Variants in TUSC3 observed in about 807,000 individuals in gnomAD.
The protein encoded by TUSC3 is dolichyl-diphosphooligosaccharide--protein glycosyltransferase subunit TUSC3.
Under a neutral mutation model 44.8 loss-of-function variants are expected in TUSC3, and 45 were observed. The ratio of observed to expected loss-of-function variants is 1.00; its 90% confidence interval spans 0.79 to 1.29. The LOEUF (loss-of-function observed/expected upper bound fraction) is 1.29, where lower values mean the gene tolerates loss of function less well. Among genes scored for constraint, TUSC3 ranks in the 50% most tolerant of loss-of-function variants. The pLI is 0.00. For synonymous variants in TUSC3, 212 were observed against 152.9 expected, an observed-to-expected ratio of 1.39 and a Z score of -2.85; for missense variants, 519 against 437.9, an observed-to-expected ratio of 1.19 and a Z score of -1.65.
chr8:15,462,242 G>T (rs1763114161), intron 1 of TUSC3, among the ~76,000 whole-genome samples: 1 of 152,048 alleles, frequency 6.6e-6, no homozygotes. Context: ...ATTCTATGTG[G>T]CAGAGAATTT....
chr8:15,550,958 A>G (rs1056377573), intron 1 of TUSC3, among the ~76,000 whole-genome samples: 7 of 151,814 alleles, frequency 4.6e-5, no homozygotes, highest in African/African-American at 1.4e-4. Context: ...GGGGTGAAAT[A>G]AAATGGTAAC....
intron 9 of TUSC3, among the ~76,000 whole-genome samples, chr8:15,756,911 G>C (rs1469752645): frequency 6.6e-6 from 1 of 152,162 alleles, no homozygotes; most frequent in Non-Finnish European, 1.5e-5. Context: ...GGGAGGCTGA[G>C]GCAGGAGAAT....
chr8:15,644,407 G>A (rs1806531677), intron 2 of TUSC3, among the ~76,000 whole-genome samples: 1 of 152,118 alleles, frequency 6.6e-6, no homozygotes, highest in Non-Finnish European at 1.5e-5. Context: ...TAATAGTGTT[G>A]GAAATGTAGT....
chr8:15,749,861 A>T (rs895545820), intron 9 of TUSC3, among the ~76,000 whole-genome samples: 1 of 144,278 alleles, frequency 6.9e-6, no homozygotes, highest in African/African-American at 2.6e-5. Flanking sequence ...TCTGTATTTT[A>T]TCTAGGATGC....
intron 2 of TUSC3, among the ~76,000 whole-genome samples, chr8:15,503,637 G>A (rs1024619970): frequency 2.0e-5 from 3 of 152,060 alleles, no homozygotes; most frequent in African/African-American, 7.2e-5. Context: ...CCAGGAATTC[G>A]AGGTTGCAGT....
chr8:15,604,890 A>G (rs1804453703), intron 1 of TUSC3, among the ~76,000 whole-genome samples: 1 of 151,792 alleles, frequency 6.6e-6, no homozygotes, highest in South Asian at 2.1e-4. Flanking sequence ...TTGGGCTTAT[A>G]TTGGTTTCTT....
At chr8:15,611,639 T>C (rs1804765388) in intron 1 of TUSC3, among the ~76,000 whole-genome samples, 2 of 152,202 alleles carry the variant, frequency 1.3e-5, no homozygotes, top group South Asian at 4.1e-4. Flanking sequence ...GCATTTTATA[T>C]TTCTGATAAA....
intron 2 of TUSC3, among the ~76,000 whole-genome samples, chr8:15,513,873 A>AT (rs927306520): frequency 6.6e-6 from 1 of 151,944 alleles, no homozygotes; most frequent in Non-Finnish European, 1.5e-5. Flanking sequence ...TTGCTCCCAA[A>AT]TTTTTCCACC....
At chr8:15,753,170 TTC>T (rs1232044157) in intron 9 of TUSC3, among the ~76,000 whole-genome samples, 1 of 152,054 alleles carries the variant, frequency 6.6e-6, no homozygotes, top group African/African-American at 2.4e-5. Context: ...CTGAGATTTG[TTC>T]TTTCTTATCT....
chr8:15,701,565 A>G (rs1809407958), intron 6 of TUSC3, among the ~76,000 whole-genome samples: 1 of 152,174 alleles, frequency 6.6e-6, no homozygotes, highest in African/African-American at 2.4e-5. Context: ...AAGTAGATGC[A>G]TAGAGATGTT....
chr8:15,609,369 T>C (rs1274744336), intron 1 of TUSC3, among the ~76,000 whole-genome samples: 1 of 152,206 alleles, frequency 6.6e-6, no homozygotes, highest in Non-Finnish European at 1.5e-5. Context: ...AGTCATCTTG[T>C]CTGGATCTGT....
rs115222514 is a variant in TUSC3 at position 15,621,688 on chromosome 8, T to C, written c.139-1392T>C. Among the ~76,000 whole-genome samples, 997 of 149,748 alleles carry C rather than the reference T, an allele frequency of 6.7e-3. 11 individuals carry two copies. The highest frequency in any genetic ancestry group is 0.023 in the African/African-American group (933 of 41,102). On this transcript the variant is annotated intron_variant, in intron 1 of 10. Coordinates refer to ENST00000503731, the MANE Select transcript of TUSC3 (RefSeq NM_006765.4). The stretch of plus-strand genomic sequence containing the variant: ...ATATTTTTATATATAAATCTATATA[T>C]GTAAATCTAACTAAATGCAAGTAAT...
At chr8:15,722,249 C>A (rs1029658571) in intron 6 of TUSC3, among the ~76,000 whole-genome samples, 1 of 142,150 alleles carries the variant, frequency 7.0e-6, no homozygotes, top group Non-Finnish European at 1.5e-5. Context: ...TTGTTTCTTT[C>A]TTTTTTTTTT....
intron 2 of TUSC3, among the ~76,000 whole-genome samples, chr8:15,534,530 C>G (rs1013407776): frequency 1.3e-5 from 2 of 151,466 alleles, no homozygotes; most frequent in Non-Finnish European, 2.9e-5. Flanking sequence ...GTAGTCCCAG[C>G]TACTCGGGAG....
intron 7 of TUSC3, among the ~76,000 whole-genome samples, chr8:15,735,978 T>A (rs1810921276): frequency 6.6e-6 from 1 of 152,030 alleles, no homozygotes; most frequent in Non-Finnish European, 1.5e-5. Context: ...TCCGCCCACC[T>A]TGGCCTCCCA....
intron 3 of TUSC3, among the ~76,000 whole-genome samples, chr8:15,652,391 T>C (rs1806952041): frequency 6.6e-6 from 1 of 152,200 alleles, no homozygotes; most frequent in African/African-American, 2.4e-5. Context: ...ATTCTTTTTC[T>C]GTTAGTGTTC....
intron 1 of TUSC3, among the ~76,000 whole-genome samples, chr8:15,556,918 G>A (rs1461072048): frequency 6.7e-6 from 1 of 149,060 alleles, no homozygotes; most frequent in Admixed American, 6.7e-5. Flanking sequence ...TTTGTCAGAT[G>A]AGTAGGTTGT....
At chr8:15,429,055 C>A (rs7839536) in intron 1 of TUSC3, among the ~76,000 whole-genome samples, 20,921 of 152,012 alleles carry the variant, frequency 0.14, 1,531 homozygotes, top group Middle Eastern at 0.21. Flanking sequence ...ATGCCTATGT[C>A]CTGAATGGTA....
intron 2 of TUSC3, among the ~76,000 whole-genome samples, chr8:15,523,000 G>A (rs1295321886): frequency 6.6e-6 from 1 of 152,140 alleles, no homozygotes; most frequent in African/African-American, 2.4e-5. Context: ...GGTGTCACAG[G>A]AGACTGATGC....
Sources: gnomAD v4.1 joint callset for allele counts (sites outside exome capture counted in the v4.1 genomes callset) on GRCh38, gnomAD v4.1.1 for gene constraint, MANE v1.5 for transcripts, NCBI Gene and HGNC (gene_info 2026-07-23, HGNC 2026-07-21) for gene names.